The following ELFN1 variants were observed in gnomAD, a reference collection of about 807,000 sequenced individuals.
ELFN1 encodes extracellular leucine rich repeat and fibronectin type III domain containing 1.
A neutral mutation model predicts 7.6 loss-of-function variants in ELFN1; 6 were observed. The ratio of observed to expected loss-of-function variants is 0.79; its 90% CI spans 0.43 to 1.56. The LOEUF (loss-of-function observed/expected upper bound fraction) is 1.56. ELFN1 is among the 40% of genes most tolerant of loss of function. ELFN1 has a pLI of 0.01. For synonymous variants in ELFN1, 657 were observed against 588.1 expected (o/e 1.12, Z -1.70); for missense variants, 1,169 against 1,232.2 (o/e 0.95, Z 0.77).
intron 2 of ELFN1, chr7:1,693,069 G>A (rs1220655861): frequency 3.1e-6 from 1 of 319,014 alleles, no homozygotes; most frequent in Non-Finnish European, 6.3e-6. Flanking sequence ...AAGGCTGTGA[G>A]GATTCAGCCC....
chr7:1,742,745 C>T (rs1003045436), intron 3 of ELFN1, among the ~76,000 whole-genome samples: 2 of 152,210 alleles, frequency 1.3e-5, no homozygotes, highest in Admixed American at 6.5e-5. Flanking sequence ...GCCCCCATGC[C>T]GTCTGACTTC....
In ELFN1 at chr7:1,746,554, G is replaced by A. The variant is rs549714789; in HGVS notation, c.1958G>A (p.Arg653Gln). The change falls in exon 4 of 4, where the codon CGA becomes CAA. Residue 653 changes from arginine (R) to glutamine (Q), a missense_variant. This residue lies in a region of ELFN1 where 914 missense variants were observed against 872.6 expected (regional missense o/e 1.05). Coordinates refer to ENST00000424383, the MANE Select transcript of ELFN1 (RefSeq NM_001128636.4). ...TCCGTGCGCAGCCCCCGCGCCTTCC[G>A]AGCCGAGGCCGTCGGGGTGCACAAG... ...SGSVRSPRAF[R>Q]AEAVGVHKAA... is the part of the protein sequence containing the mutation. The A allele has an allele frequency of 9.3e-5, 127 of 1,368,770 alleles. No homozygotes were observed. The highest frequency in any genetic ancestry group is 1.1e-4 in the Non-Finnish European group (117 of 1,068,228). The allele number at this position is 1,368,770 out of a possible 1,614,324, so 84.8% of individuals were successfully genotyped here.
upstream of ELFN1, among the ~76,000 whole-genome samples, chr7:1,666,939 G>A (rs1444148232): frequency 1.3e-5 from 2 of 151,916 alleles, no homozygotes; most frequent in Non-Finnish European, 2.9e-5. The surrounding 1 kb of genome is among the most constrained non-coding windows in gnomAD (Gnocchi z 7.9). Flanking sequence ...ATTAATAGGC[G>A]TCGGTGACCC....
At chr7:1,728,876 C>T (rs539681553) in intron 3 of ELFN1, among the ~76,000 whole-genome samples, 124 of 152,294 alleles carry the variant, frequency 8.1e-4, no homozygotes, top group Non-Finnish European at 1.3e-3. Flanking sequence ...CAAACACCAT[C>T]GCATCTCACT....
chr7:1,679,772 C>T (rs1438081302), intron 1 of ELFN1, among the ~76,000 whole-genome samples: 1 of 152,238 alleles, frequency 6.6e-6, no homozygotes, highest in Non-Finnish European at 1.5e-5. Flanking sequence ...TGGCCACACT[C>T]CAACAGTGGC....
At chr7:1,667,994 A>C, upstream of ELFN1, among the ~76,000 whole-genome samples, 2 of 147,490 alleles carry the variant, frequency 1.4e-5, no homozygotes, top group African/African-American at 2.5e-5. This position sits in a 1 kb window ranked among gnomAD's most constrained non-coding sequence, Gnocchi z 8.2. Flanking sequence ...CGAGGACTCG[A>C]CCCCTGCCGT....
intron 2 of ELFN1, among the ~76,000 whole-genome samples, chr7:1,700,593 T>C (rs1779405896): frequency 6.6e-6 from 1 of 152,236 alleles, no homozygotes; most frequent in Non-Finnish European, 1.5e-5. Flanking sequence ...CGGTTCCATT[T>C]TGGGGCTGTG....
chr7:1,666,858 G>T (rs987088231), upstream of ELFN1, among the ~76,000 whole-genome samples: 1 of 151,754 alleles, frequency 6.6e-6, no homozygotes, highest in Non-Finnish European at 1.5e-5. The surrounding 1 kb of genome is among the most constrained non-coding windows in gnomAD (Gnocchi z 7.9). Flanking sequence ...CGGGACCCCC[G>T]CCCCCACCCC....
rs548613821 is a variant in ELFN1, at chr7:1,742,135, G to A, written c.-293-2169G>A. The A allele has an allele frequency of 2.2e-3, 334 of 152,216 alleles. 1 individual carries two copies. Among genetic ancestry groups the A allele is most frequent in the Non-Finnish European group, 3.9e-3 (265 of 68,064 alleles). The allele number at this position is 152,216 out of a possible 1,614,324, so 9.4% of individuals were successfully genotyped here. A position where few individuals can be genotyped will look rare whatever the true frequency, so the allele number is the denominator to read the frequency against. On this transcript the variant is annotated intron_variant, in intron 3 of 3. Coordinates refer to ENST00000424383, the MANE Select transcript of ELFN1 (RefSeq NM_001128636.4). ...CCTCAGCTGCGGGCCCAGGAGAGCCGGAGCAGCCCCAGGCCCCCAAGCCTC... is the reference window on the plus strand; with the variant it reads ...CCTCAGCTGCGGGCCCAGGAGAGCCAGAGCAGCCCCAGGCCCCCAAGCCTC...
chr7:1,680,245 G>C (rs1778949314), intron 1 of ELFN1, among the ~76,000 whole-genome samples: 1 of 152,230 alleles, frequency 6.6e-6, no homozygotes. Context: ...CCTTGGAGGA[G>C]TGCCCAAGGC....
chr7:1,682,070 C>T (rs1050894763), intron 1 of ELFN1, among the ~76,000 whole-genome samples: 1 of 152,116 alleles, frequency 6.6e-6, no homozygotes, highest in African/African-American at 2.4e-5. Context: ...CTTTCATTTT[C>T]TTAATGGTAT....
rs1304764847 is a variant in ELFN1 at position 1,746,735 on chromosome 7, C to T, written c.2139C>T (p.Ala713=). The change falls in exon 4 of 4, where the codon GCC becomes GCT. Residue 713 remains alanine, a synonymous_variant. Transcript: ENST00000424383. Reference sequence around the variant, plus strand: ...ACTCGTACCCCGGCTCCCACCCGGCCGAGCCACCTGCGCCCCCCGGGCCAC... The same window carrying T: ...ACTCGTACCCCGGCTCCCACCCGGCTGAGCCACCTGCGCCCCCCGGGCCAC... ...HRHSYPGSHP[A]EPPAPPGPPP... The T allele has an allele frequency of 3.0e-5, 45 of 1,485,938 alleles. No individual in the cohort carries two copies. Among genetic ancestry groups the T allele is most frequent in the East Asian group, 5.6e-5 (2 of 35,732 alleles). The allele number at this position is 1,485,938 out of a possible 1,614,324, so 92.0% of individuals were successfully genotyped here. A position where few individuals can be genotyped will look rare whatever the true frequency, so the allele number is the denominator to read the frequency against.
At chr7:1,713,752 G>C (rs6460788) in intron 3 of ELFN1, among the ~76,000 whole-genome samples, 1 of 151,212 alleles carries the variant, frequency 6.6e-6, no homozygotes, top group African/African-American at 2.4e-5. Flanking sequence ...TCTCTGGGGA[G>C]GGGGGGGCGA....
chr7:1,709,961 C>T (rs1282272324), intron 3 of ELFN1, among the ~76,000 whole-genome samples: 1 of 152,232 alleles, frequency 6.6e-6, no homozygotes, highest in East Asian at 1.9e-4. Flanking sequence ...CTGTACTTCA[C>T]CCAGTTCTGG....
chr7:1,714,755 A>G lies in ELFN1; in HGVS notation c.-294+5503A>G, dbSNP rs1230962596. The stretch of plus-strand genomic sequence containing the variant: ...TTAAAGTGAGAGTAACTTTCTCATA[A>G]AATGATTCAGTAGTATTTTATGCTG... On this transcript the variant is annotated intron_variant, in intron 3 of 3. Coordinates refer to ENST00000424383, the MANE Select transcript of ELFN1 (RefSeq NM_001128636.4). Among the ~76,000 whole-genome samples, 3 of 152,344 alleles carry G rather than the reference A, an allele frequency of 2.0e-5. No homozygotes were observed. The South Asian group carries it at 6.2e-4, about 32-fold the overall frequency.
chr7:1,737,416 C>T (rs1270613289), intron 3 of ELFN1, among the ~76,000 whole-genome samples: 1 of 152,158 alleles, frequency 6.6e-6, no homozygotes, highest in African/African-American at 2.4e-5. Flanking sequence ...CTGGCTGGCC[C>T]CTGGCTCTGA....
In ELFN1 at chr7:1,744,678, G is replaced by A. The variant is rs1247519045; in HGVS notation, c.82G>A (p.Asp28Asn). Reference protein sequence around the residue: ...LLHAGGLARADCWLIEGDKGF... With the variant: ...LLHAGGLARANCWLIEGDKGF... ...GCACGCTGGCGGCCTGGCCCGCGCA[G>A]ACTGCTGGCTGATCGAGGGCGACAA... The change falls in exon 4 of 4, where the codon GAC (aspartate) becomes AAC (asparagine). Residue 28 changes from aspartate (D) to asparagine (N), a missense_variant. Physicochemically the swap from Asp to Asn is conservative, Grantham distance 23 (BLOSUM62 1). Coordinates refer to ENST00000424383, the MANE Select transcript of ELFN1 (RefSeq NM_001128636.4). 1 of 1,551,230 alleles carries A rather than the reference G, an allele frequency of 6.4e-7. No homozygotes were observed. Among genetic ancestry groups the A allele is most frequent in the Non-Finnish European group, 8.7e-7 (1 of 1,146,896 alleles).
At chr7:1,684,302 C>T (rs546332151) in intron 1 of ELFN1, among the ~76,000 whole-genome samples, 3 of 152,246 alleles carry the variant, frequency 2.0e-5, no homozygotes, top group South Asian at 4.1e-4. Flanking sequence ...AAATGTACCC[C>T]TTCTAGACAG....
At chr7:1,714,232 G>A (rs540184394) in intron 3 of ELFN1, among the ~76,000 whole-genome samples, 1 of 152,132 alleles carries the variant, frequency 6.6e-6, no homozygotes, top group Non-Finnish European at 1.5e-5. Context: ...GTCTCCAGGT[G>A]GAACAAACCC....
Sources: gnomAD v4.1 joint callset for allele counts (sites outside exome capture counted in the v4.1 genomes callset) on GRCh38, gnomAD v4.1.1 for gene constraint, gnomAD v4.1.1 regional missense constraint, Gnocchi (gnomAD v3.1) non-coding constraint, MANE v1.5 for transcripts, NCBI Gene and HGNC (gene_info 2026-07-23, HGNC 2026-07-21) for gene names.